Variants in CPS1 observed in about 807,000 individuals in gnomAD.
CPS1 encodes the protein carbamoyl-phosphate synthase [ammonia], mitochondrial.
CPS1 carries 109 observed loss-of-function variants against 174.6 expected under a neutral mutation model. The observed-to-expected ratio is 0.62, with a 90% CI of 0.53 to 0.73. The LOEUF (loss-of-function observed/expected upper bound fraction) is 0.73. Among genes scored for constraint, CPS1 ranks in the 30% least tolerant of loss-of-function variants. The pLI, the probability that CPS1 is intolerant of heterozygous loss-of-function variation, is 0.00. For synonymous variants in CPS1, 637 were observed against 632.0 expected (o/e 1.01, Z -0.12); for missense variants, 1,689 against 1,821.9 (o/e 0.93, Z 1.33).
At chr2:210,513,171 T>G (rs62203707) in intron 1 of CPS1, among the ~76,000 whole-genome samples, 66,732 of 112,650 alleles carry the variant, frequency 0.59, 21,518 homozygotes, top group South Asian at 0.66. Context: ...TATGTATGGA[T>G]ATATATATAT....
At chr2:210,512,157 G>A (rs751442677) in intron 1 of CPS1, among the ~76,000 whole-genome samples, 1 of 151,954 alleles carries the variant, frequency 6.6e-6, no homozygotes, top group South Asian at 2.1e-4. Context: ...CATGGATGGT[G>A]ACTTTTATGT....
At chr2:210,584,820 T>C (rs1312771614) in intron 6 of CPS1, among the ~76,000 whole-genome samples, 1 of 152,078 alleles carries the variant, frequency 6.6e-6, no homozygotes, top group African/African-American at 2.4e-5. Context: ...GCTCAATTTC[T>C]AGATTTATGT....
chr2:210,606,978 C>G (rs749435061), intron 18 of CPS1, 37 bp downstream of exon 18: 100 of 1,577,198 alleles, frequency 6.3e-5, no homozygotes, highest in Non-Finnish European at 7.7e-5. Flanking sequence ...TTTGCAGATT[C>G]TTTTCAGATA....
chr2:210,612,188 A>C lies in CPS1; in HGVS notation c.2463A>C (p.Glu821Asp). 5 of 1,612,230 alleles carry C rather than the reference A, an allele frequency of 3.1e-6. No individual in the cohort carries two copies. Among genetic ancestry groups the C allele is most frequent in the East Asian group, 2.2e-5 (1 of 44,752 alleles). Reference sequence around the variant, plus strand: ...TACGGATGTGCCACCCATCTATAGAAGGTTTCACTCCCCGTCTCCCAATGA... The same window carrying C: ...TACGGATGTGCCACCCATCTATAGACGGTTTCACTCCCCGTCTCCCAATGA... ...KALRMCHPSI[E>D]GFTPRLPMNK... Residue 821 changes from glutamate to aspartate, a missense_variant, in exon 20 of 38, where the codon GAA becomes GAC. By Grantham distance (45) the Glu-to-Asp change is conservative (BLOSUM62 2). Transcript: ENST00000233072.
intron 18 of CPS1, among the ~76,000 whole-genome samples, chr2:210,607,185 G>A (rs1181692168): frequency 6.6e-6 from 1 of 151,920 alleles, no homozygotes; most frequent in African/African-American, 2.4e-5. Context: ...AATCTAGGTG[G>A]CTAAAGCAGG....
chr2:210,497,918 A>ATCTATC (rs1553718857), intron 1 of CPS1, among the ~76,000 whole-genome samples: 2 of 142,194 alleles, frequency 1.4e-5, no homozygotes, highest in Admixed American at 7.0e-5. Context: ...ATATATATAT[A>ATCTATC]TCTCCAGTAA....
intron 21 of CPS1, among the ~76,000 whole-genome samples, chr2:210,623,763 C>G (rs1699612590): frequency 6.6e-6 from 1 of 152,116 alleles, no homozygotes; most frequent in South Asian, 2.1e-4. Context: ...CTGGAACACT[C>G]CCTTTGAATG....
At chr2:210,575,345 C>T (rs1697657495) in intron 2 of CPS1, among the ~76,000 whole-genome samples, 1 of 151,960 alleles carries the variant, frequency 6.6e-6, no homozygotes, top group Admixed American at 6.6e-5. Flanking sequence ...TAGCTTAACT[C>T]ATTTTGCAGA....
At chr2:210,588,272 G>C (rs1395087106) in intron 7 of CPS1, 125 bp downstream of exon 7, 3 of 819,452 alleles carry the variant, frequency 3.7e-6, no homozygotes, top group African/African-American at 1.7e-5. Flanking sequence ...CATTCTTCTT[G>C]TTGCTTTTGA....
intron 6 of CPS1, among the ~76,000 whole-genome samples, chr2:210,585,412 G>T (rs181212866): frequency 6.6e-6 from 1 of 151,764 alleles, no homozygotes; most frequent in Non-Finnish European, 1.5e-5. Flanking sequence ...AAATAGGCAC[G>T]ATCTATTGAG....
At chr2:210,509,756 C>A (rs1418824464) in intron 1 of CPS1, among the ~76,000 whole-genome samples, 1 of 152,192 alleles carries the variant, frequency 6.6e-6, no homozygotes, top group Non-Finnish European at 1.5e-5. Context: ...AGAGCCAAAT[C>A]ATGAGTGAAC....
intron 3 of CPS1, chr2:210,577,111 C>T: frequency 5.7e-6 from 2 of 350,926 alleles, no homozygotes; most frequent in East Asian, 6.1e-5. Context: ...TGATTTTGTT[C>T]ATCATGTGCA....
intron 1 of CPS1, among the ~76,000 whole-genome samples, chr2:210,506,687 C>A (rs1474769048): frequency 1.3e-5 from 2 of 152,276 alleles, no homozygotes; most frequent in South Asian, 4.1e-4. Flanking sequence ...CTTAAAGGAC[C>A]TGATGGAGCT....
At chr2:210,490,518 A>G (rs1228331327) in intron 1 of CPS1, among the ~76,000 whole-genome samples, 1 of 152,224 alleles carries the variant, frequency 6.6e-6, no homozygotes, top group East Asian at 1.9e-4. Flanking sequence ...TTTATCCTTG[A>G]GCTCCTCTTC....
At chr2:210,610,393 G>A (rs946532944) in intron 19 of CPS1, among the ~76,000 whole-genome samples, 19 of 151,894 alleles carry the variant, frequency 1.3e-4, no homozygotes, top group Non-Finnish European at 1.8e-4. Flanking sequence ...CTTACTAAAC[G>A]CAAGACACTG....
At chr2:210,602,070 G>T (rs951735276) in intron 15 of CPS1, 132 bp from the exon 16 acceptor site, 23 of 1,059,356 alleles carry the variant, frequency 2.2e-5, no homozygotes, top group Non-Finnish European at 3.1e-5. Flanking sequence ...TGAGATGAGG[G>T]AATAATAGAA....
chr2:210,548,389 G>T (rs1444347783), intron 1 of CPS1, among the ~76,000 whole-genome samples: 2 of 151,906 alleles, frequency 1.3e-5, no homozygotes, highest in African/African-American at 4.8e-5. Flanking sequence ...ATGCTCTTTT[G>T]AAATAATCAA....
chr2:210,625,268 T>G (rs1017315536), intron 21 of CPS1, among the ~76,000 whole-genome samples: 6 of 152,092 alleles, frequency 3.9e-5, no homozygotes, highest in Admixed American at 3.3e-4. Context: ...CCAAAGCCAT[T>G]TGTTGATGAA....
At position 210,631,665 on chromosome 2, in the gene CPS1, G is replaced by A. The variant is rs571226930; in HGVS notation, c.2688-6037G>A. Reference sequence around the variant, plus strand: ...GGCCAGCATCACAGCCATTTGGTGTGTTGTTTTATTGTATAGATTCTATTA... The same window carrying A: ...GGCCAGCATCACAGCCATTTGGTGTATTGTTTTATTGTATAGATTCTATTA... On this transcript the variant is annotated intron_variant, in intron 21 of 37. Coordinates refer to ENST00000233072, the MANE Select transcript of CPS1 (RefSeq NM_001875.5). Among the ~76,000 whole-genome samples the A allele has an allele frequency of 2.8e-4, 43 of 152,266 alleles. No individual in the cohort carries two copies. The South Asian group carries it at 8.5e-3, about 30-fold the overall frequency.
Sources: allele counts gnomAD v4.1 joint callset (sites outside exome capture counted in the v4.1 genomes callset), GRCh38; gene constraint gnomAD v4.1.1; transcripts MANE v1.5; gene names NCBI Gene and HGNC (gene_info 2026-07-23, HGNC 2026-07-21).